Variants in SP140 observed in about 807,000 individuals in gnomAD.
SP140 encodes nuclear body protein SP140.
Under a neutral mutation model 125.0 loss-of-function variants are expected in SP140, and 81 were observed. That is an observed-to-expected ratio of 0.65 (90% CI 0.54 to 0.78). SP140 has a LOEUF of 0.78. Among genes scored for constraint, SP140 ranks in the 30% least tolerant of loss-of-function variants. SP140 has a pLI of 0.00. For synonymous variants in SP140, 312 were observed against 354.0 expected, an observed-to-expected ratio of 0.88 and a Z score of 1.33; for missense variants, 858 against 1,037.0, an observed-to-expected ratio of 0.83 and a Z score of 2.37.
At chr2:230,255,888 C>A (rs1001931239) in intron 12 of SP140, among the ~76,000 whole-genome samples, 4 of 152,048 alleles carry the variant, frequency 2.6e-5, no homozygotes, top group Non-Finnish European at 4.4e-5. Context: ...TCTCTCGATA[C>A]CCTCACAAAA....
At chr2:230,273,335 A>G (rs530095035) in intron 15 of SP140, among the ~76,000 whole-genome samples, 9 of 152,378 alleles carry the variant, frequency 5.9e-5, no homozygotes, top group African/African-American at 1.2e-4. Flanking sequence ...CAGCAATCAT[A>G]TGAAACAAAG....
intron 12 of SP140, among the ~76,000 whole-genome samples, chr2:230,259,795 T>TATATATATATATATATATATAC (rs1370331057): frequency 1.5e-4 from 17 of 111,562 alleles, no homozygotes; most frequent in African/African-American, 2.3e-4. Context: ...TATATATATA[T>TATATATATATATATATATATAC]ACCACATACA....
intron 21 of SP140, 137 bp from the exon 22 acceptor site, chr2:230,297,284 T>A: frequency 4.0e-6 from 4 of 994,068 alleles, no homozygotes; most frequent in Non-Finnish European, 5.9e-6. Context: ...CCCAGCCTAC[T>A]GGCCTTCTCT....
At chr2:230,218,387 G>A (rs1400531313) in intron 3 of SP140, among the ~76,000 whole-genome samples, 2 of 152,180 alleles carry the variant, frequency 1.3e-5, no homozygotes, top group Non-Finnish European at 2.9e-5. Flanking sequence ...AGGAAAACAA[G>A]AAAAGATGCC....
intron 15 of SP140, among the ~76,000 whole-genome samples, chr2:230,274,285 A>C (rs1260493756): frequency 6.6e-6 from 1 of 152,116 alleles, no homozygotes; most frequent in Non-Finnish European, 1.5e-5. Context: ...AGAACCTATA[A>C]TCTGTTACTT....
At chr2:230,287,849 G>A in intron 17 of SP140, 43 bp from the exon 18 acceptor site, 1 of 1,534,876 alleles carries the variant, frequency 6.5e-7, no homozygotes, top group Non-Finnish European at 8.9e-7. Flanking sequence ...GTGTAATACA[G>A]CTGCTCATAA....
At chr2:230,281,505 C>A (rs2055545546) in intron 15 of SP140, among the ~76,000 whole-genome samples, 1 of 152,170 alleles carries the variant, frequency 6.6e-6, no homozygotes, top group South Asian at 2.1e-4. Context: ...CATCAAAATT[C>A]TTATCAAGAT....
chr2:230,269,924 C>CGGG lies in SP140; in HGVS notation c.1417_1418insGGG (p.Thr472_Glu473insGly). 1 of 1,613,758 alleles carries CGGG rather than the reference C, an allele frequency of 6.2e-7. No individual in the cohort carries two copies. Among genetic ancestry groups the CGGG allele is most frequent in the Non-Finnish European group, 8.5e-7 (1 of 1,179,746 alleles). ...GTGCCAGGAAGCCCAGAAGCAAGGA[C>CGGG]GGAAAGTGATCAAGCGTGTGGCACA... On this transcript the variant is annotated inframe_insertion, in exon 14 of 27. Transcript: ENST00000392045.
intron 10 of SP140, 97 bp downstream of exon 10, chr2:230,251,158 T>A: frequency 1.0e-6 from 1 of 985,894 alleles, no homozygotes; most frequent in Non-Finnish European, 1.6e-6. Flanking sequence ...CAAGTATACT[T>A]CACAGTGAAA....
chr2:230,294,132 A>G, intron 20 of SP140, 139 bp from the exon 21 acceptor site: 2 of 665,746 alleles, frequency 3.0e-6, no homozygotes. Flanking sequence ...AGACAGGGAG[A>G]TGGTTTCTCA....
intron 12 of SP140, among the ~76,000 whole-genome samples, chr2:230,261,659 T>C (rs2052270410): frequency 6.6e-6 from 1 of 152,202 alleles, no homozygotes; most frequent in South Asian, 2.1e-4. Context: ...GTTTTAATCA[T>C]AAGGAGATGC....
intron 1 of SP140, among the ~76,000 whole-genome samples, chr2:230,229,624 C>T (rs1057480032): frequency 3.8e-4 from 58 of 151,604 alleles, no homozygotes; most frequent in Non-Finnish European, 4.9e-4. Context: ...CCCACCACCA[C>T]GCCTGGCTAA....
At chr2:230,307,955 GTATATATATATA>G (rs60233854) in intron 22 of SP140, among the ~76,000 whole-genome samples, 25 of 48,422 alleles carry the variant, frequency 5.2e-4, no homozygotes, top group South Asian at 1.6e-3. Context: ...GGACATGCAT[GTATATATATATA>G]TATATATATA....
At chr2:230,299,162 C>G (rs2058049298) in intron 22 of SP140, among the ~76,000 whole-genome samples, 1 of 152,208 alleles carries the variant, frequency 6.6e-6, no homozygotes, top group Non-Finnish European at 1.5e-5. Context: ...CTCCAAGAAC[C>G]ACTGCAGGAA....
chr2:230,208,000 G>C (rs1408085189), intron 1 of SP140: 4 of 1,548,502 alleles, frequency 2.6e-6, no homozygotes, highest in Non-Finnish European at 3.6e-6. Flanking sequence ...CCTCCTGGGA[G>C]GCTTTTTTTC....
intron 16 of SP140, 125 bp from the exon 17 acceptor site, chr2:230,285,627 G>C: frequency 1.3e-6 from 1 of 749,818 alleles, no homozygotes; most frequent in Non-Finnish European, 2.3e-6. Context: ...AGCAAAAAAT[G>C]CTCTGGACAC....
chr2:230,301,067 A>G (rs2058240601), intron 22 of SP140, among the ~76,000 whole-genome samples: 1 of 152,212 alleles, frequency 6.6e-6, no homozygotes, highest in South Asian at 2.1e-4. Flanking sequence ...GAACTCGAAG[A>G]CAAGGCTCTG....
At chr2:230,274,207 C>T (rs769413942) in intron 15 of SP140, among the ~76,000 whole-genome samples, 2 of 151,692 alleles carry the variant, frequency 1.3e-5, no homozygotes, top group Non-Finnish European at 2.9e-5. Context: ...ATGATATATG[C>T]AGGAGATCCA....
chr2:230,208,073 A>G, intron 1 of SP140: 2 of 1,355,448 alleles, frequency 1.5e-6, no homozygotes, highest in South Asian at 1.2e-5. Flanking sequence ...AAAAGAAAGG[A>G]TAATGTTTTA....
Sources: allele counts gnomAD v4.1 joint callset (sites outside exome capture counted in the v4.1 genomes callset), GRCh38; gene constraint gnomAD v4.1.1; transcripts MANE v1.5; gene names NCBI Gene and HGNC (gene_info 2026-07-23, HGNC 2026-07-21).